Variants in KCNH7 observed in about 807,000 individuals in gnomAD.
KCNH7 encodes voltage-gated inwardly rectifying potassium channel KCNH7.
A neutral mutation model predicts 120.8 loss-of-function variants in KCNH7; 49 were observed. The ratio of observed to expected loss-of-function variants is 0.41; its 90% CI spans 0.32 to 0.51. The LOEUF is 0.51. Among genes scored for constraint, KCNH7 ranks in the 20% least tolerant of loss-of-function variants. The probability of loss-of-function intolerance (pLI) is 0.38; values close to 1 mark genes in which losing one functional copy is unlikely to be tolerated. For missense variants in KCNH7, 1,097 were observed against 1,446.6 expected, an observed-to-expected ratio of 0.76 and a Z score of 3.92; for synonymous variants, 547 against 516.1, an observed-to-expected ratio of 1.06 and a Z score of -0.81.
intron 2 of KCNH7, among the ~76,000 whole-genome samples, chr2:162,628,783 T>C (rs1372685033): frequency 6.6e-6 from 1 of 152,056 alleles, no homozygotes; most frequent in Admixed American, 6.6e-5. Context: ...CAAGATCTTG[T>C]TTATATTTTT....
chr2:162,618,899 G>C (rs112690389), intron 2 of KCNH7, among the ~76,000 whole-genome samples: 21 of 152,266 alleles, frequency 1.4e-4, no homozygotes, highest in African/African-American at 3.8e-4. Context: ...AAGCAGTGTT[G>C]CTATGGATCA....
chr2:162,503,641 A>G (rs911809718), intron 6 of KCNH7, among the ~76,000 whole-genome samples: 11 of 152,024 alleles, frequency 7.2e-5, no homozygotes, highest in African/African-American at 2.7e-4. Context: ...CAAAAACTTC[A>G]ATGCTTGGGA....
intron 2 of KCNH7, among the ~76,000 whole-genome samples, chr2:162,554,542 T>C (rs115737444): frequency 0.029 from 4,478 of 152,282 alleles, 238 homozygotes; most frequent in African/African-American, 0.1. Flanking sequence ...TTTCCTTGCC[T>C]TTTCTAGCTT....
intron 2 of KCNH7, among the ~76,000 whole-genome samples, chr2:162,569,620 T>G (rs550907109): frequency 7.0e-4 from 105 of 149,404 alleles, no homozygotes; most frequent in African/African-American, 2.5e-3. Flanking sequence ...AATTGTGATG[T>G]TAGGGTGTCA....
intron 2 of KCNH7, among the ~76,000 whole-genome samples, chr2:162,545,711 A>T (rs887886473): frequency 2.0e-5 from 3 of 152,206 alleles, no homozygotes; most frequent in Non-Finnish European, 4.4e-5. Context: ...TCCCAGGACC[A>T]ATTCATACTG....
At chr2:162,599,195 A>G (rs12623407) in intron 2 of KCNH7, among the ~76,000 whole-genome samples, 3,487 of 152,046 alleles carry the variant, frequency 0.023, 131 homozygotes, top group East Asian at 0.18. Flanking sequence ...ACAGAGCGAG[A>G]CTCTGTCTCA....
At chr2:162,835,066 G>A (rs1685610846) in intron 2 of KCNH7, among the ~76,000 whole-genome samples, 1 of 152,106 alleles carries the variant, frequency 6.6e-6, no homozygotes, top group Non-Finnish European at 1.5e-5. Context: ...CATTTGGGTA[G>A]TGAGAGCTCA....
chr2:162,558,803 G>A (rs886901748), intron 2 of KCNH7, among the ~76,000 whole-genome samples: 4 of 151,136 alleles, frequency 2.6e-5, no homozygotes, highest in African/African-American at 7.3e-5. Flanking sequence ...ATATGGTCAC[G>A]CCTGTAATCC....
chr2:162,513,872 A>C (rs1574050222), intron 4 of KCNH7, among the ~76,000 whole-genome samples: 1 of 151,818 alleles, frequency 6.6e-6, no homozygotes, highest in East Asian at 1.9e-4. Context: ...TAGAATATTG[A>C]AAAATTTTAT....
At chr2:162,802,856 A>G (rs1160145145) in intron 2 of KCNH7, among the ~76,000 whole-genome samples, 1 of 151,784 alleles carries the variant, frequency 6.6e-6, no homozygotes, top group African/African-American at 2.4e-5. Flanking sequence ...TTTTAACACA[A>G]ACATATTTTA....
intron 2 of KCNH7, among the ~76,000 whole-genome samples, chr2:162,654,875 G>A (rs2105266243): frequency 6.6e-6 from 1 of 152,214 alleles, no homozygotes; most frequent in Non-Finnish European, 1.5e-5. Flanking sequence ...AAATAAGTCA[G>A]GCACAGAAAG....
intron 4 of KCNH7, among the ~76,000 whole-genome samples, chr2:162,515,901 CT>C (rs1574052488): frequency 6.6e-6 from 1 of 151,784 alleles, no homozygotes; most frequent in African/African-American, 2.4e-5. Flanking sequence ...CCAACTCTTC[CT>C]TTCACCTCTT....
intron 2 of KCNH7, among the ~76,000 whole-genome samples, chr2:162,616,357 A>C (rs1024932153): frequency 4.6e-5 from 7 of 152,198 alleles, no homozygotes. Context: ...AAATCTTTTA[A>C]GTTAAAGAAA....
At chr2:162,531,488 A>T (rs1316100591) in intron 3 of KCNH7, among the ~76,000 whole-genome samples, 1 of 151,992 alleles carries the variant, frequency 6.6e-6, no homozygotes, top group African/African-American at 2.4e-5. Flanking sequence ...AAATTACCTT[A>T]TTGGTATTCA....
chr2:162,764,223 C>G (rs2105457289), intron 2 of KCNH7, among the ~76,000 whole-genome samples: 1 of 152,186 alleles, frequency 6.6e-6, no homozygotes, highest in South Asian at 2.1e-4. Flanking sequence ...AGTATGATGT[C>G]TCTGAAAGTT....
At chr2:162,700,622 A>C (rs569240733) in intron 2 of KCNH7, among the ~76,000 whole-genome samples, 67 of 152,284 alleles carry the variant, frequency 4.4e-4, no homozygotes, top group Middle Eastern at 3.4e-3. Context: ...AAAATCCATT[A>C]CTTCATGACT....
intron 2 of KCNH7, among the ~76,000 whole-genome samples, chr2:162,772,294 G>A (rs1683085341): frequency 6.6e-6 from 1 of 152,074 alleles, no homozygotes. Flanking sequence ...TTTTTATGAG[G>A]TAAGCTATAC....
At chr2:162,739,984 C>T (rs1688062933) in intron 2 of KCNH7, among the ~76,000 whole-genome samples, 1 of 152,020 alleles carries the variant, frequency 6.6e-6, no homozygotes, top group Non-Finnish European at 1.5e-5. Context: ...ATAAGAGGAG[C>T]CAAGTAGTTC....
intron 3 of KCNH7, among the ~76,000 whole-genome samples, chr2:162,533,664 G>A (rs1692010302): frequency 2.0e-5 from 3 of 151,434 alleles, no homozygotes; most frequent in South Asian, 4.2e-4. Flanking sequence ...AACAAGAGAA[G>A]CAATATTCAT....
Sources: gnomAD v4.1 joint callset for allele counts (sites outside exome capture counted in the v4.1 genomes callset) on GRCh38, gnomAD v4.1.1 for gene constraint, MANE v1.5 for transcripts, NCBI Gene and HGNC (gene_info 2026-07-23, HGNC 2026-07-21) for gene names.